MAT1A: variants seen among roughly 807,000 people sequenced by gnomAD.
The protein encoded by MAT1A is methionine adenosyltransferase 1A.
A neutral mutation model predicts 44.0 loss-of-function variants in MAT1A; 19 were observed. The ratio of observed to expected loss-of-function variants is 0.43; its 90% CI spans 0.30 to 0.63. The LOEUF is 0.63. Ranked by LOEUF, MAT1A falls within the 30% of genes least tolerant of loss-of-function variation. The pLI is 0.12. For missense variants in MAT1A, 397 were observed against 531.0 expected (o/e 0.75, Z 2.48); for synonymous variants, 205 against 205.6 (o/e 1.00, Z 0.03).
At chr10:80,284,610 A>G (rs894274892) in intron 2 of MAT1A, among the ~76,000 whole-genome samples, 2 of 152,254 alleles carry the variant, frequency 1.3e-5, no homozygotes, top group Admixed American at 1.3e-4. Flanking sequence ...TGTGCAGTGG[A>G]CAAGACATGA....
intron 5 of MAT1A, 27 bp downstream of exon 5, chr10:80,280,146 C>T (rs1841544081): frequency 2.5e-6 from 4 of 1,613,808 alleles, no homozygotes; most frequent in Non-Finnish European, 3.4e-6. Context: ...CTGTCTAGGG[C>T]TCTCCTGGGG....
At chr10:80,284,253 T>C (rs1203309357) in intron 2 of MAT1A, among the ~76,000 whole-genome samples, 1 of 152,212 alleles carries the variant, frequency 6.6e-6, no homozygotes, top group South Asian at 2.1e-4. Context: ...GAGTCAGTCA[T>C]AAGCTGTGAT....
Position 80,274,590 on chromosome 10 carries a change from G to T in MAT1A, c.1015C>A (p.Gln339Lys). The T allele has an allele frequency of 1.9e-6, 3 of 1,614,214 alleles. No individual in the cohort carries two copies. Among genetic ancestry groups the T allele is most frequent in the Non-Finnish European group, 2.5e-6 (3 of 1,180,032 alleles). Reference sequence around the variant, plus strand: ...TCCAGCAGCTCTCGCTCTGTCTTCTGAGAGGTTCCGTAGGTGAAGATGGAA... The same window carrying T: ...TCCAGCAGCTCTCGCTCTGTCTTCTTAGAGGTTCCGTAGGTGAAGATGGAA... ...SISIFTYGTS[Q>K]KTERELLDVV... Residue 339 changes from glutamine (Q) to lysine (K), a missense_variant, in exon 8 of 9, where the codon CAG becomes AAG. Gln to Lys is a moderately conservative substitution (Grantham distance 53, BLOSUM62 1). Coordinates refer to ENST00000372213, the MANE Select transcript of MAT1A (RefSeq NM_000429.3).
In MAT1A at chr10:80,272,559, A is replaced by G. The variant is rs2132699475; in HGVS notation, c.*1222T>C. ...CTCCCTGGATCCGAAAGGGCCACTCACTCCCTCCAAATGCACTCAGCCTGC... is the reference window on the plus strand; with the variant it reads ...CTCCCTGGATCCGAAAGGGCCACTCGCTCCCTCCAAATGCACTCAGCCTGC... On this transcript the variant is annotated 3_prime_UTR_variant, in exon 9 of 9. Coordinates refer to ENST00000372213, the MANE Select transcript of MAT1A (RefSeq NM_000429.3). The G allele has an allele frequency of 6.6e-6, 1 of 152,262 alleles. No homozygotes were observed. The highest frequency in any genetic ancestry group is 2.1e-4 in the South Asian group (1 of 4,824). The allele number at this position is 152,262 out of a possible 1,614,324, so 9.4% of individuals were successfully genotyped here. A position where few individuals can be genotyped will look rare whatever the true frequency, so the allele number is the denominator to read the frequency against.
chr10:80,280,336 T>C lies in MAT1A; in HGVS notation c.406-20A>G, dbSNP rs1268588492. Reference sequence around the variant, plus strand: ...CAAACCCTGTGGCGAGAGAGCAGGCTGAGCGGCGCCCACCCTAGACCAAGA... The same window carrying C: ...CAAACCCTGTGGCGAGAGAGCAGGCCGAGCGGCGCCCACCCTAGACCAAGA... On this transcript the variant is annotated intron_variant, in intron 4 of 8. Coordinates refer to ENST00000372213, the MANE Select transcript of MAT1A (RefSeq NM_000429.3). 6.2e-7 allele frequency: 1 copy of C among 1,613,366 alleles called. No individual in the cohort carries two copies. Among genetic ancestry groups the C allele is most frequent in the African/African-American group, 1.3e-5 (1 of 74,904 alleles).
chr10:80,283,397 C>A (rs2132708078), intron 3 of MAT1A, among the ~76,000 whole-genome samples: 1 of 152,386 alleles, frequency 6.6e-6, no homozygotes, highest in Non-Finnish European at 1.5e-5. Context: ...AGCACCAGTT[C>A]TGGACTGAGT....
At position 80,280,248 on chromosome 10, in the gene MAT1A, G is replaced by A. The variant is rs1459407454; in HGVS notation, c.474C>T (p.His158=). Residue 158 remains histidine, a synonymous_variant, in exon 5 of 9, where the codon CAC becomes CAT. Transcript: ENST00000372213. ...ECMPLTIILA[H]KLNARMADLR... Reference sequence around the variant, plus strand: ...GGTCTGCCATCCGGGCGTTGAGCTTGTGAGCAAGGATGATGGTGAGGGGCA... The same window carrying A: ...GGTCTGCCATCCGGGCGTTGAGCTTATGAGCAAGGATGATGGTGAGGGGCA... 6.2e-7 allele frequency: 1 copy of A among 1,614,128 alleles called. No homozygotes were observed. The highest frequency in any genetic ancestry group is 8.5e-7 in the Non-Finnish European group (1 of 1,180,028).
At position 80,285,609 on chromosome 10, in the gene MAT1A, G is replaced by A. The variant is rs961233454; in HGVS notation, c.92-20C>T. 1.3e-6 allele frequency: 2 copies of A among 1,529,570 alleles called. No homozygotes were observed. The highest frequency in any genetic ancestry group is 1.8e-6 in the Non-Finnish European group (2 of 1,103,276). 94.7% of individuals were successfully genotyped at this position (1,529,570 alleles called of 1,614,324 possible). A position where few individuals can be genotyped will look rare whatever the true frequency, so the allele number is the denominator to read the frequency against. On this transcript the variant is annotated intron_variant, in intron 1 of 8. Transcript: ENST00000372213. ...TCTTATCTGGACAAGAGCAAATATG[G>A]GTCAGAATCACAAAAATATTCGGGA...
intron 6 of MAT1A, among the ~76,000 whole-genome samples, chr10:80,275,785 T>C (rs576734054): frequency 6.6e-6 from 1 of 152,258 alleles, no homozygotes; most frequent in African/African-American, 2.4e-5. Context: ...GTTTCTACAC[T>C]CTACTTGCTA....
At chr10:80,274,429 C>T (rs1278149145) in intron 8 of MAT1A, 91 bp downstream of exon 8, 13 of 1,553,448 alleles carry the variant, frequency 8.4e-6, no homozygotes, top group Non-Finnish European at 1.1e-5. Context: ...GAGGCAGAAA[C>T]ATCCTCCTTT....
intron 3 of MAT1A, among the ~76,000 whole-genome samples, chr10:80,282,754 T>C (rs1258106576): frequency 6.6e-6 from 1 of 152,208 alleles, no homozygotes; most frequent in East Asian, 1.9e-4. Context: ...CACCAGGCCA[T>C]GGCTGGACTG....
intron 6 of MAT1A, 49 bp downstream of exon 6, chr10:80,276,327 C>T (rs774917394): frequency 5.7e-6 from 9 of 1,588,966 alleles, no homozygotes; most frequent in South Asian, 3.3e-5. Flanking sequence ...ACATAAGCAA[C>T]CCCAGTAACA....
chr10:80,283,483 C>G (rs150917858), intron 3 of MAT1A, among the ~76,000 whole-genome samples: 1 of 152,248 alleles, frequency 6.6e-6, no homozygotes, highest in African/African-American at 2.4e-5. Context: ...GCTGCTTACC[C>G]TGTGATCTCA....
chr10:80,276,683 G>A (rs1182648714), intron 5 of MAT1A, 89 bp from the exon 6 acceptor site: 1 of 1,348,644 alleles, frequency 7.4e-7, no homozygotes, highest in Admixed American at 1.7e-5. Context: ...CAGGAGGTGG[G>A]CAGGGCTCCC....
Position 80,273,705 on chromosome 10 carries a change from C to G in MAT1A, c.*76G>C. 9.4e-7 allele frequency: 1 copy of G among 1,062,812 alleles called. No individual in the cohort carries two copies. Among genetic ancestry groups the G allele is most frequent in the African/African-American group, 1.6e-5 (1 of 63,788 alleles). The allele number at this position is 1,062,812 out of a possible 1,614,324, so 65.8% of individuals were successfully genotyped here. ...GTTGGTGGGTGGGGAAGGCGATCAGCAGCCAGGCGTCTGGGGAAGAGGAGC... is the reference window on the plus strand; with the variant it reads ...GTTGGTGGGTGGGGAAGGCGATCAGGAGCCAGGCGTCTGGGGAAGAGGAGC... On this transcript the variant is annotated 3_prime_UTR_variant, in exon 9 of 9. Transcript: ENST00000372213.
intron 4 of MAT1A, 114 bp from the exon 5 acceptor site, chr10:80,280,430 G>T: frequency 7.4e-7 from 1 of 1,354,012 alleles, no homozygotes; most frequent in Non-Finnish European, 1.0e-6. Flanking sequence ...CTCCTCCATG[G>T]AGCTTTCCAC....
chr10:80,281,680 GC>G (rs2132706944), intron 3 of MAT1A, among the ~76,000 whole-genome samples: 1 of 152,326 alleles, frequency 6.6e-6, no homozygotes, highest in East Asian at 1.9e-4. Context: ...TACCCACACA[GC>G]CTGAAAGGGC....
intron 5 of MAT1A, among the ~76,000 whole-genome samples, chr10:80,279,795 C>G (rs1323460357): frequency 6.6e-6 from 1 of 151,930 alleles, no homozygotes; most frequent in Admixed American, 6.6e-5. Flanking sequence ...ACAGCACAGA[C>G]AGACAACACA....
chr10:80,284,564 GGGC>G (rs1841616076), intron 2 of MAT1A, among the ~76,000 whole-genome samples: 1 of 152,240 alleles, frequency 6.6e-6, no homozygotes, highest in Non-Finnish European at 1.5e-5. Flanking sequence ...ATTCAATACA[GGGC>G]TGAGGATGCA....
Sources: gnomAD v4.1 joint callset for allele counts (sites outside exome capture counted in the v4.1 genomes callset) on GRCh38, gnomAD v4.1.1 for gene constraint, MANE v1.5 for transcripts, NCBI Gene and HGNC (gene_info 2026-07-23, HGNC 2026-07-21) for gene names.